TRPM3: variants seen among roughly 807,000 people sequenced by gnomAD.
TRPM3 encodes long transient receptor potential channel 3.
In TRPM3, 77 loss-of-function variants were observed where a neutral mutation model predicts 181.2. The observed-to-expected ratio is 0.42, with a 90% confidence interval of 0.35 to 0.51. The LOEUF (loss-of-function observed/expected upper bound fraction) is 0.51. Among genes scored for constraint, TRPM3 ranks in the 20% least tolerant of loss-of-function variants. The pLI is 0.01. For missense variants in TRPM3, 1,759 were observed against 2,196.7 expected, an observed-to-expected ratio of 0.80 and a Z score of 3.98; for synonymous variants, 745 against 796.4, an observed-to-expected ratio of 0.94 and a Z score of 1.09.
intron 5 of TRPM3, among the ~76,000 whole-genome samples, chr9:70,829,655 C>G (rs1442554262): frequency 2.0e-5 from 3 of 152,056 alleles, no homozygotes; most frequent in Non-Finnish European, 4.4e-5. Context: ...AAGGTTAATT[C>G]ACAGCTTCAT....
chr9:70,551,041 G>A (rs1429943933), intron 24 of TRPM3, among the ~76,000 whole-genome samples: 1 of 152,196 alleles, frequency 6.6e-6, no homozygotes, highest in East Asian at 1.9e-4. Context: ...ACTCAAAGGA[G>A]TATATTTAAC....
chr9:71,424,831 A>G (rs1294216141), intron 1 of TRPM3, among the ~76,000 whole-genome samples: 2 of 152,086 alleles, frequency 1.3e-5, no homozygotes, highest in African/African-American at 2.4e-5. Flanking sequence ...CTTGTACTTT[A>G]TAGTTCTCAA....
chr9:71,146,030 G>A (rs1342504533), intron 1 of TRPM3, among the ~76,000 whole-genome samples: 1 of 152,064 alleles, frequency 6.6e-6, no homozygotes, highest in Non-Finnish European at 1.5e-5. Flanking sequence ...GTACATATTT[G>A]TTCTTTTAGG....
intron 4 of TRPM3, among the ~76,000 whole-genome samples, chr9:70,843,962 G>T (rs2094832318): frequency 6.6e-6 from 1 of 152,154 alleles, no homozygotes; most frequent in Non-Finnish European, 1.5e-5. Flanking sequence ...CTTCCTATAT[G>T]AATGTTGAGT....
At chr9:70,548,313 A>G (rs2045579152) in intron 25 of TRPM3, among the ~76,000 whole-genome samples, 1 of 152,204 alleles carries the variant, frequency 6.6e-6, no homozygotes, top group Non-Finnish European at 1.5e-5. Context: ...ATGTGTATAA[A>G]ATCTGTGCAT....
intron 1 of TRPM3, among the ~76,000 whole-genome samples, chr9:71,337,131 C>G (rs2090614527): frequency 6.6e-6 from 1 of 152,066 alleles, no homozygotes; most frequent in Non-Finnish European, 1.5e-5. Flanking sequence ...AGAGCTTCTG[C>G]ACAACACAAG....
At chr9:70,889,945 A>T (rs2096168714) in intron 1 of TRPM3, among the ~76,000 whole-genome samples, 1 of 148,438 alleles carries the variant, frequency 6.7e-6, no homozygotes, top group African/African-American at 2.4e-5. Flanking sequence ...TATGCTATAT[A>T]CTATATATAA....
chr9:70,856,027 G>A (rs2095377847), intron 3 of TRPM3, among the ~76,000 whole-genome samples: 1 of 152,112 alleles, frequency 6.6e-6, no homozygotes, highest in South Asian at 2.1e-4. Context: ...GTACTTACAG[G>A]GGATGGATGC....
chr9:70,582,997 G>T (rs2056285174), intron 22 of TRPM3, among the ~76,000 whole-genome samples: 1 of 152,154 alleles, frequency 6.6e-6, no homozygotes, highest in South Asian at 2.1e-4. Flanking sequence ...TTAGTGTGGT[G>T]GAATAGTATG....
chr9:71,197,709 G>T (rs982478968), intron 1 of TRPM3, among the ~76,000 whole-genome samples: 1 of 151,526 alleles, frequency 6.6e-6, no homozygotes, highest in East Asian at 1.9e-4. Flanking sequence ...CCCACTTTTT[G>T]ATGGGGTTGT....
intron 1 of TRPM3, among the ~76,000 whole-genome samples, chr9:71,029,585 C>G (rs2057026473): frequency 6.6e-6 from 1 of 151,818 alleles, no homozygotes; most frequent in Non-Finnish European, 1.5e-5. Flanking sequence ...AAGGAAATAC[C>G]ATGATAATGT....
intron 1 of TRPM3, among the ~76,000 whole-genome samples, chr9:71,326,087 A>T (rs1020544087): frequency 1.3e-4 from 20 of 152,202 alleles, no homozygotes; most frequent in African/African-American, 4.8e-4. Flanking sequence ...ATGTCAGAAA[A>T]TATTTTTACT....
chr9:71,053,194 C>T (rs1044316755), intron 1 of TRPM3, among the ~76,000 whole-genome samples: 2 of 146,620 alleles, frequency 1.4e-5, no homozygotes, highest in African/African-American at 5.0e-5. Context: ...TTATAAATTT[C>T]AGTTTCCTGC....
chr9:70,979,555 C>T (rs2097342103), intron 1 of TRPM3, among the ~76,000 whole-genome samples: 2 of 152,142 alleles, frequency 1.3e-5, no homozygotes, highest in African/African-American at 4.8e-5. Flanking sequence ...TACATAAATA[C>T]TGTGCTCCTT....
intron 1 of TRPM3, among the ~76,000 whole-genome samples, chr9:71,013,529 A>G (rs1169609550): frequency 6.6e-6 from 1 of 151,746 alleles, no homozygotes; most frequent in Non-Finnish European, 1.5e-5. Flanking sequence ...AAGTCTCTGA[A>G]GGTTTGGTAG....
intron 1 of TRPM3, among the ~76,000 whole-genome samples, chr9:70,898,953 T>C (rs1319019300): frequency 5.9e-5 from 9 of 152,134 alleles, no homozygotes; most frequent in African/African-American, 4.8e-5. Context: ...CTTTGCTTAA[T>C]TGGTAAGTTT....
intron 6 of TRPM3, among the ~76,000 whole-genome samples, chr9:70,800,530 C>T (rs1378564996): frequency 6.6e-6 from 1 of 152,068 alleles, no homozygotes; most frequent in African/African-American, 2.4e-5. Context: ...TTTCTTCTAC[C>T]TCTGCCACTT....
chr9:71,282,572 T>A (rs1387225073), intron 1 of TRPM3, among the ~76,000 whole-genome samples: 1 of 152,192 alleles, frequency 6.6e-6, no homozygotes, highest in Non-Finnish European at 1.5e-5. Flanking sequence ...GTAAAATTGT[T>A]ATTTTTTTTA....
intron 1 of TRPM3, among the ~76,000 whole-genome samples, chr9:71,340,665 T>C (rs1272582218): frequency 6.6e-6 from 1 of 152,128 alleles, no homozygotes; most frequent in Non-Finnish European, 1.5e-5. Context: ...CTTGGGTATG[T>C]CTTTATCAGC....
Sources: allele counts gnomAD v4.1 joint callset (sites outside exome capture counted in the v4.1 genomes callset), GRCh38; gene constraint gnomAD v4.1.1; transcripts MANE v1.5; gene names NCBI Gene and HGNC (gene_info 2026-07-23, HGNC 2026-07-21).